Variants in PIK3C2G observed in about 807,000 individuals in gnomAD.
The protein encoded by PIK3C2G is phosphatidylinositol-4-phosphate 3-kinase catalytic subunit type 2 gamma.
A neutral mutation model predicts 181.1 loss-of-function variants in PIK3C2G; 168 were observed. That is an observed-to-expected ratio of 0.93 (90% CI 0.82 to 1.05). PIK3C2G has a LOEUF of 1.05. Among genes scored for constraint, PIK3C2G ranks in the 50% least tolerant of loss-of-function variants. The pLI, the probability that PIK3C2G is intolerant of heterozygous loss-of-function variation, is 0.00. For synonymous variants in PIK3C2G, 573 were observed against 592.2 expected, an observed-to-expected ratio of 0.97 and a Z score of 0.47; for missense variants, 1,869 against 1,732.8, an observed-to-expected ratio of 1.08 and a Z score of -1.40.
rs761776689 is a variant in PIK3C2G, at chr12:18,391,106, A to AT, written c.1996-8dup. On this transcript the variant is annotated splice_polypyrimidine_tract_variant and intron_variant, in intron 14 of 32. Coordinates refer to ENST00000538779, the MANE Select transcript of PIK3C2G (RefSeq NM_001288772.2). Reference sequence around the variant, plus strand: ...AGACACCTTCAACACATGGCAAATCATTTTTTTTCTTTCAGATTGATTTTC... The same window carrying AT: ...AGACACCTTCAACACATGGCAAATCATTTTTTTTTCTTTCAGATTGATTTTC... 2.6e-5 allele frequency: 41 copies of AT among 1,586,146 alleles called. No individual in the cohort carries two copies. The highest frequency in any genetic ancestry group is 1.7e-4 in the Middle Eastern group (1 of 5,944).
At chr12:18,635,891 T>C (rs559205515) in intron 31 of PIK3C2G, among the ~76,000 whole-genome samples, 3 of 152,188 alleles carry the variant, frequency 2.0e-5, no homozygotes, top group South Asian at 4.1e-4. Context: ...GCCTCTTTCT[T>C]GGTTGTAGGA....
chr12:18,399,211 T>A (rs868686077), intron 15 of PIK3C2G, among the ~76,000 whole-genome samples: 1,581 of 132,076 alleles, frequency 0.012, 31 homozygotes, highest in Non-Finnish European at 0.014. Context: ...AAAAAAAAAA[T>A]ATGCCATTTT....
At chr12:18,714,710 G>T in the PIK3C2G span, 7 of 152,140 alleles carry the variant, frequency 4.6e-5, no homozygotes, top group African/African-American at 2.4e-5. Flanking sequence ...TCACAGGAGG[G>T]ATTTGGCAAT....
At chr12:18,312,775 T>G (rs1341397849) in intron 5 of PIK3C2G, among the ~76,000 whole-genome samples, 1 of 152,092 alleles carries the variant, frequency 6.6e-6, no homozygotes, top group African/African-American at 2.4e-5. Context: ...CATTCACCAT[T>G]TTGGCTAGCA....
the PIK3C2G span, chr12:18,683,649 A>G: frequency 7.4e-7 from 1 of 1,342,550 alleles, no homozygotes; most frequent in Non-Finnish European, 9.8e-7. Context: ...AAAAGTAAGC[A>G]TATTGAGACA....
upstream of PIK3C2G, among the ~76,000 whole-genome samples, chr12:18,259,796 T>G (rs1231987365): frequency 6.6e-6 from 1 of 152,130 alleles, no homozygotes; most frequent in African/African-American, 2.4e-5. Flanking sequence ...TGTTGAAGCT[T>G]GATCATTCTG....
intron 5 of PIK3C2G, among the ~76,000 whole-genome samples, chr12:18,302,105 C>A (rs886165418): frequency 6.6e-6 from 1 of 152,112 alleles, no homozygotes; most frequent in Non-Finnish European, 1.5e-5. Flanking sequence ...TAGTGGTGGA[C>A]CAACCATGGC....
At chr12:18,696,844 C>T in the PIK3C2G span, among the ~76,000 whole-genome samples, 103 of 152,214 alleles carry the variant, frequency 6.8e-4, no homozygotes, top group African/African-American at 2.4e-3. Flanking sequence ...TCTGTGTTTA[C>T]ATGTCTCCAT....
the PIK3C2G span, chr12:18,699,832 A>C: frequency 6.2e-7 from 1 of 1,613,568 alleles, no homozygotes; most frequent in African/African-American, 1.3e-5. Context: ...TGTCTCCCCA[A>C]TAGAATTATT....
At chr12:18,264,366 C>T (rs1948385457) in intron 1 of PIK3C2G, among the ~76,000 whole-genome samples, 1 of 152,010 alleles carries the variant, frequency 6.6e-6, no homozygotes, top group African/African-American at 2.4e-5. Context: ...ACTCACCTCC[C>T]CTTCTGGTAT....
the PIK3C2G span, chr12:18,685,614 T>C: frequency 1.9e-6 from 1 of 516,280 alleles, no homozygotes; most frequent in South Asian, 1.4e-5. Flanking sequence ...ACAGAAATAG[T>C]AAACTAATTG....
At chr12:18,435,453 T>C (rs144806556) in intron 18 of PIK3C2G, among the ~76,000 whole-genome samples, 12 of 152,176 alleles carry the variant, frequency 7.9e-5, no homozygotes, top group African/African-American at 2.9e-4. Context: ...CCCAAACTCA[T>C]AAAGTCAGCT....
chr12:18,552,289 C>T (rs908184355), intron 26 of PIK3C2G, among the ~76,000 whole-genome samples: 10 of 152,106 alleles, frequency 6.6e-5, no homozygotes, highest in African/African-American at 2.2e-4. Flanking sequence ...ACTCTTTATG[C>T]TCAAATGTCT....
chr12:18,488,432 C>G lies in PIK3C2G; in HGVS notation c.2505-17C>G. 2 of 1,259,122 alleles carry G rather than the reference C, an allele frequency of 1.6e-6. No homozygotes were observed. Among genetic ancestry groups the G allele is most frequent in the African/African-American group, 2.1e-5 (1 of 46,670 alleles). The allele number at this position is 1,259,122 out of a possible 1,614,324, so 78.0% of individuals were successfully genotyped here. A position where few individuals can be genotyped will look rare whatever the true frequency, so the allele number is the denominator to read the frequency against. ...TAGCTTTACATACAAGAATTTTTTT[C>G]TCTCTCTTTCCTTCAGGCTGCTAAA... On this transcript the variant is annotated splice_polypyrimidine_tract_variant and intron_variant, in intron 18 of 32. Coordinates refer to ENST00000538779, the MANE Select transcript of PIK3C2G (RefSeq NM_001288772.2).
At chr12:18,629,988 A>G (rs1165856097) in intron 31 of PIK3C2G, among the ~76,000 whole-genome samples, 2 of 152,192 alleles carry the variant, frequency 1.3e-5, no homozygotes, top group African/African-American at 2.4e-5. Context: ...TTATTAATAC[A>G]CACCTCATTG....
At chr12:18,696,274 AG>A in the PIK3C2G span, 1 of 1,345,562 alleles carries the variant, frequency 7.4e-7, no homozygotes, top group Non-Finnish European at 1.0e-6. Context: ...GGACTGAAAA[AG>A]AATAATTAAA....
At chr12:18,654,301 A>AC in the PIK3C2G span, among the ~76,000 whole-genome samples, 1 of 152,006 alleles carries the variant, frequency 6.6e-6, no homozygotes, top group Non-Finnish European at 1.5e-5. Context: ...ACCTAAAAAA[A>AC]AAAAAAAAAA....
intron 23 of PIK3C2G, among the ~76,000 whole-genome samples, chr12:18,504,908 G>A (rs1407525480): frequency 1.3e-5 from 2 of 151,968 alleles, no homozygotes; most frequent in Non-Finnish European, 2.9e-5. Context: ...ATTCCTCTGG[G>A]AATAGGCAAT....
rs1427606521 is a variant in PIK3C2G at position 18,276,255 on chromosome 12, A to C, written c.-78-5749A>C. ...AGTCTGTGGGTTTCCTTCACTCTCC[A>C]TGTCTTTCCCTGAAGCAAGCTTTAT... On this transcript the variant is annotated intron_variant, in intron 1 of 32. Transcript: ENST00000538779. Among the ~76,000 whole-genome samples the C allele has an allele frequency of 3.3e-5, 5 of 152,128 alleles. No individual in the cohort carries two copies. In the East Asian group the frequency reaches 9.6e-4, roughly 29 times the overall value.
Sources: allele counts gnomAD v4.1 joint callset (sites outside exome capture counted in the v4.1 genomes callset), GRCh38; gene constraint gnomAD v4.1.1; transcripts MANE v1.5; gene names NCBI Gene and HGNC (gene_info 2026-07-23, HGNC 2026-07-21).